Variants in ADGRL3 observed in about 807,000 individuals in gnomAD.
ADGRL3 encodes calcium-independent alpha-latrotoxin receptor 3.
ADGRL3 carries 62 observed loss-of-function variants against 153.5 expected under a neutral mutation model. That is an observed-to-expected ratio of 0.40 (90% CI 0.33 to 0.50). ADGRL3 has a LOEUF of 0.50. Ranked by LOEUF, ADGRL3 falls within the 20% of genes least tolerant of loss-of-function variation. The pLI is 0.47. For synonymous variants in ADGRL3, 710 were observed against 672.5 expected (o/e 1.06, Z -0.86); for missense variants, 1,641 against 1,859.4 (o/e 0.88, Z 2.16).
intron 8 of ADGRL3, among the ~76,000 whole-genome samples, chr4:61,778,813 T>C (rs539175259): frequency 2.8e-4 from 42 of 152,310 alleles, no homozygotes; most frequent in African/African-American, 9.1e-4. Flanking sequence ...ATCCCAGCAC[T>C]GTGGGAGGCC....
At chr4:61,281,656 G>A (rs2093728519) in intron 1 of ADGRL3, among the ~76,000 whole-genome samples, 1 of 152,080 alleles carries the variant, frequency 6.6e-6, no homozygotes, top group Non-Finnish European at 1.5e-5. Context: ...AGCAAATGCA[G>A]GAGAGATTAG....
intron 21 of ADGRL3, among the ~76,000 whole-genome samples, chr4:62,002,694 C>T (rs2099144641): frequency 6.6e-6 from 1 of 151,958 alleles, no homozygotes; most frequent in African/African-American, 2.4e-5. Flanking sequence ...TGCTTGCTTA[C>T]TTGTCCTTTG....
intron 2 of ADGRL3, among the ~76,000 whole-genome samples, chr4:61,429,682 G>A (rs1051574975): frequency 6.6e-6 from 1 of 152,028 alleles, no homozygotes; most frequent in East Asian, 1.9e-4. Context: ...TAGGCATTGT[G>A]ATTTAAGAAA....
intron 8 of ADGRL3, among the ~76,000 whole-genome samples, chr4:61,750,201 A>C (rs796445674): frequency 0.032 from 4,904 of 151,386 alleles, 280 homozygotes; most frequent in African/African-American, 0.11. Context: ...AAAAAAAAAA[A>C]AAAAAAGGCA....
intron 9 of ADGRL3, among the ~76,000 whole-genome samples, chr4:61,889,583 GA>G (rs943850259): frequency 1.3e-5 from 2 of 151,638 alleles, no homozygotes; most frequent in African/African-American, 4.8e-5. Flanking sequence ...GGTAATTTTA[GA>G]AAAAAAATAA....
At chr4:61,263,108 A>G (rs1287431077) in intron 1 of ADGRL3, among the ~76,000 whole-genome samples, 2 of 152,068 alleles carry the variant, frequency 1.3e-5, no homozygotes, top group Non-Finnish European at 2.9e-5. Flanking sequence ...GTAGATAACG[A>G]ATAGCTAAAT....
intron 9 of ADGRL3, among the ~76,000 whole-genome samples, chr4:61,822,090 CA>C (rs966964263): frequency 1.3e-5 from 2 of 152,176 alleles, no homozygotes; most frequent in Non-Finnish European, 2.9e-5. Context: ...GCAGACATTA[CA>C]GGGGGAGGGA....
intron 9 of ADGRL3, among the ~76,000 whole-genome samples, chr4:61,888,305 CAT>C (rs1481929918): frequency 2.6e-5 from 4 of 152,198 alleles, no homozygotes; most frequent in African/African-American, 9.7e-5. Flanking sequence ...ACTTATAACA[CAT>C]AGTTTTATTA....
At chr4:61,485,055 T>C (rs2098174596) in intron 2 of ADGRL3, among the ~76,000 whole-genome samples, 1 of 152,210 alleles carries the variant, frequency 6.6e-6, no homozygotes. Context: ...AGCACAACTT[T>C]AGAAACTCTC....
intron 17 of ADGRL3, among the ~76,000 whole-genome samples, chr4:61,956,150 C>A (rs1288353174): frequency 1.3e-5 from 2 of 152,142 alleles, no homozygotes; most frequent in Admixed American, 1.3e-4. Context: ...TACATTCCCA[C>A]CAATAGTGTA....
chr4:61,463,535 C>G (rs1198658996), intron 2 of ADGRL3, among the ~76,000 whole-genome samples: 1 of 152,124 alleles, frequency 6.6e-6, no homozygotes, highest in Admixed American at 6.6e-5. Flanking sequence ...AGTCCCTCCC[C>G]CAACACTGAG....
At chr4:61,531,172 C>A (rs867313778) in intron 4 of ADGRL3, among the ~76,000 whole-genome samples, 12 of 152,118 alleles carry the variant, frequency 7.9e-5, no homozygotes, top group African/African-American at 2.7e-4. Context: ...CAAATAAAGG[C>A]AAAGAAAATG....
At chr4:61,610,095 A>G (rs908189118) in intron 5 of ADGRL3, among the ~76,000 whole-genome samples, 6 of 151,418 alleles carry the variant, frequency 4.0e-5, no homozygotes, top group African/African-American at 1.2e-4. Context: ...AAAAGAATTA[A>G]TTATATTTTT....
chr4:61,553,734 G>A (rs962698677), intron 4 of ADGRL3, among the ~76,000 whole-genome samples: 9 of 151,972 alleles, frequency 5.9e-5, no homozygotes, highest in African/African-American at 1.7e-4. Context: ...CTTGCCCAGT[G>A]GGAGTGTTTG....
At chr4:61,259,994 G>T (rs1353343132) in intron 1 of ADGRL3, among the ~76,000 whole-genome samples, 1 of 152,106 alleles carries the variant, frequency 6.6e-6, no homozygotes. Flanking sequence ...CATTAAAATG[G>T]TTCTTGCAAT....
chr4:61,221,493 A>T (rs1328273452), intron 1 of ADGRL3, among the ~76,000 whole-genome samples: 1 of 152,154 alleles, frequency 6.6e-6, no homozygotes, highest in African/African-American at 2.4e-5. Context: ...ATACAATTTT[A>T]AACCTCTCTT....
At chr4:61,861,367 A>T (rs2098338308) in intron 9 of ADGRL3, among the ~76,000 whole-genome samples, 1 of 152,120 alleles carries the variant, frequency 6.6e-6, no homozygotes, top group Admixed American at 6.5e-5. Context: ...AGTGCTCATA[A>T]ATGTTTGTTT....
At chr4:61,711,299 A>G (rs569644206) in intron 6 of ADGRL3, among the ~76,000 whole-genome samples, 18 of 151,668 alleles carry the variant, frequency 1.2e-4, no homozygotes, top group Admixed American at 4.0e-4. Flanking sequence ...TGCACTAGTT[A>G]TAAATGATGT....
intron 8 of ADGRL3, among the ~76,000 whole-genome samples, chr4:61,802,476 A>G (rs1486897020): frequency 6.6e-6 from 1 of 152,114 alleles, no homozygotes; most frequent in Non-Finnish European, 1.5e-5. Flanking sequence ...CCAGATGTCA[A>G]CAATATGACT....
Sources: gnomAD v4.1 joint callset for allele counts (sites outside exome capture counted in the v4.1 genomes callset) on GRCh38, gnomAD v4.1.1 for gene constraint, MANE v1.5 for transcripts, NCBI Gene and HGNC (gene_info 2026-07-23, HGNC 2026-07-21) for gene names.